The following FAM110B variants were observed in gnomAD, a reference collection of about 807,000 sequenced individuals.
The protein encoded by FAM110B is family with sequence similarity 110 member B.
FAM110B carries 6 observed loss-of-function variants against 20.4 expected under a neutral mutation model. The observed-to-expected ratio is 0.29, with a 90% CI of 0.16 to 0.58. FAM110B has a LOEUF of 0.58. FAM110B is among the 20% of genes least tolerant of loss of function. The pLI is 0.90. For synonymous variants in FAM110B, 226 were observed against 214.1 expected, an observed-to-expected ratio of 1.06 and a Z score of -0.49; for missense variants, 434 against 498.2, an observed-to-expected ratio of 0.87 and a Z score of 1.23.
At chr8:58,027,520 C>A (rs546014056) in intron 1 of FAM110B, among the ~76,000 whole-genome samples, 8 of 151,954 alleles carry the variant, frequency 5.3e-5, no homozygotes, top group South Asian at 2.1e-4. Context: ...GCAAATATGG[C>A]AGTTATGCAC....
chr8:58,035,435 G>A (rs1805057725), intron 2 of FAM110B, among the ~76,000 whole-genome samples: 1 of 152,252 alleles, frequency 6.6e-6, no homozygotes, highest in African/African-American at 2.4e-5. Flanking sequence ...CTTACCATTT[G>A]TTTCACACAT....
intron 1 of FAM110B, among the ~76,000 whole-genome samples, chr8:58,010,548 A>AT (rs1804510454): frequency 6.6e-6 from 1 of 152,214 alleles, no homozygotes; most frequent in African/African-American, 2.4e-5. Flanking sequence ...GAGTACTTAC[A>AT]TGCCCTGGCA....
At chr8:58,052,625 A>G (rs1406064224) in intron 2 of FAM110B, among the ~76,000 whole-genome samples, 4 of 152,130 alleles carry the variant, frequency 2.6e-5, no homozygotes, top group Non-Finnish European at 5.9e-5. Context: ...ACGGAGGAAC[A>G]CAAAGCAGGG....
chr8:58,015,126 C>T (rs567804659), intron 1 of FAM110B, among the ~76,000 whole-genome samples: 1 of 152,292 alleles, frequency 6.6e-6, no homozygotes, highest in South Asian at 2.1e-4. Context: ...GAGGCCAAGG[C>T]AGGTGGATCA....
At chr8:58,037,206 C>T (rs1396807429) in intron 2 of FAM110B, among the ~76,000 whole-genome samples, 1 of 152,032 alleles carries the variant, frequency 6.6e-6, no homozygotes, top group Non-Finnish European at 1.5e-5. Context: ...CTTATTGTTA[C>T]ATAGGATTAT....
chr8:58,147,467 A>G lies in FAM110B; in HGVS notation c.*124A>G. 3 of 1,217,164 alleles carry G rather than the reference A, an allele frequency of 2.5e-6. No individual in the cohort carries two copies. The highest frequency in any genetic ancestry group is 3.4e-6 in the Non-Finnish European group (3 of 876,858). 75.4% of individuals were successfully genotyped at this position (1,217,164 alleles called of 1,614,324 possible). A position where few individuals can be genotyped will look rare whatever the true frequency, so the allele number is the denominator to read the frequency against. On this transcript the variant is annotated 3_prime_UTR_variant, in exon 4 of 4. Coordinates refer to ENST00000519262, the MANE Select transcript of FAM110B (RefSeq NM_001377989.1). ...TGTTGCTTGTTGTGCAATGTTTTCA[A>G]GTTGCATGCTTGTCAACATGGGGAC...
chr8:58,122,279 T>C (rs1807381663), intron 3 of FAM110B, among the ~76,000 whole-genome samples: 1 of 152,190 alleles, frequency 6.6e-6, no homozygotes. Context: ...TCTGGAATTT[T>C]ACAGAAACTT....
intron 2 of FAM110B, chr8:58,070,513 A>C (rs1190491039): frequency 6.6e-6 from 1 of 152,212 alleles, no homozygotes; most frequent in African/African-American, 2.4e-5. Context: ...ATTCCATATG[A>C]AAATACATTC....
chr8:58,021,867 G>C (rs1804762062), intron 1 of FAM110B, among the ~76,000 whole-genome samples: 1 of 152,132 alleles, frequency 6.6e-6, no homozygotes, highest in African/African-American at 2.4e-5. Flanking sequence ...TGAAGTTCTA[G>C]AGAGCATATA....
At chr8:58,108,971 C>T (rs1481325009) in intron 3 of FAM110B, among the ~76,000 whole-genome samples, 2 of 152,190 alleles carry the variant, frequency 1.3e-5, no homozygotes, top group African/African-American at 2.4e-5. Context: ...CCTATTCAAC[C>T]CTATTTATTA....
At chr8:58,023,887 A>T (rs1339179703) in intron 1 of FAM110B, among the ~76,000 whole-genome samples, 1 of 152,218 alleles carries the variant, frequency 6.6e-6, no homozygotes, top group Admixed American at 6.5e-5. Flanking sequence ...TAAAAATGAA[A>T]CTGTGAGCTG....
intron 3 of FAM110B, among the ~76,000 whole-genome samples, chr8:58,108,784 C>T (rs1806982290): frequency 6.6e-6 from 1 of 152,232 alleles, no homozygotes; most frequent in Non-Finnish European, 1.5e-5. Flanking sequence ...CCCACTTTTC[C>T]ATGTTGTGAA....
intron 3 of FAM110B, among the ~76,000 whole-genome samples, chr8:58,099,962 G>C (rs941520224): frequency 6.6e-6 from 1 of 152,090 alleles, no homozygotes; most frequent in African/African-American, 2.4e-5. Flanking sequence ...AACACCATGT[G>C]TTTGTTCTAG....
intron 3 of FAM110B, among the ~76,000 whole-genome samples, chr8:58,092,760 C>G (rs1276915073): frequency 2.6e-5 from 4 of 152,038 alleles, no homozygotes; most frequent in Admixed American, 6.6e-5. Flanking sequence ...GGGTATACAC[C>G]CAGTAATGGG....
At chr8:58,067,300 C>T (rs1241017953) in intron 2 of FAM110B, among the ~76,000 whole-genome samples, 1 of 152,178 alleles carries the variant, frequency 6.6e-6, no homozygotes, top group East Asian at 1.9e-4. Flanking sequence ...GTAAAAAGTA[C>T]ACGTCTGCAT....
intron 3 of FAM110B, among the ~76,000 whole-genome samples, chr8:58,104,770 A>C (rs866672045): frequency 2.0e-5 from 3 of 152,194 alleles, no homozygotes; most frequent in African/African-American, 7.2e-5. Flanking sequence ...GTACTATTTC[A>C]AAAAGTTTCT....
At chr8:58,034,531 A>G (rs926986809) in intron 2 of FAM110B, among the ~76,000 whole-genome samples, 2 of 152,166 alleles carry the variant, frequency 1.3e-5, no homozygotes, top group African/African-American at 4.8e-5. Context: ...CTGTGTCAGG[A>G]CCTGGACTCT....
chr8:58,125,741 T>C (rs1807484481), intron 3 of FAM110B, among the ~76,000 whole-genome samples: 1 of 152,202 alleles, frequency 6.6e-6, no homozygotes, highest in African/African-American at 2.4e-5. Context: ...ACATTGTAAT[T>C]TTAACCTCTT....
At chr8:58,133,308 C>A (rs528413765) in intron 3 of FAM110B, among the ~76,000 whole-genome samples, 109 of 149,708 alleles carry the variant, frequency 7.3e-4, no homozygotes, top group African/African-American at 2.6e-3. Flanking sequence ...GATTTGTATT[C>A]TTTTATCTTG....
Sources: allele counts gnomAD v4.1 joint callset (sites outside exome capture counted in the v4.1 genomes callset), GRCh38; gene constraint gnomAD v4.1.1; transcripts MANE v1.5; gene names NCBI Gene and HGNC (gene_info 2026-07-23, HGNC 2026-07-21).